Variants in PKHD1 observed in about 807,000 individuals in gnomAD.
PKHD1 encodes PKHD1 ciliary IPT domain containing fibrocystin/polyductin.
In PKHD1, 291 loss-of-function variants were observed where a neutral mutation model predicts 412.0. The ratio of observed to expected loss-of-function variants is 0.71; its 90% confidence interval spans 0.64 to 0.78. PKHD1 has a LOEUF of 0.78. PKHD1 is among the 30% of genes least tolerant of loss of function. The pLI, the probability that PKHD1 is intolerant of heterozygous loss-of-function variation, is 0.00. For synonymous variants in PKHD1, 1,777 were observed against 1,821.5 expected, an observed-to-expected ratio of 0.98 and a Z score of 0.62; for missense variants, 4,825 against 4,950.7, an observed-to-expected ratio of 0.97 and a Z score of 0.76.
intron 36 of PKHD1, among the ~76,000 whole-genome samples, chr6:51,944,099 TC>T: frequency 6.6e-6 from 1 of 152,306 alleles, no homozygotes; most frequent in Admixed American, 6.5e-5. Context: ...AATGGCCTGT[TC>T]CTGCCTTAAC....
At chr6:52,039,412 T>G (rs1246969278) in intron 27 of PKHD1, among the ~76,000 whole-genome samples, 4 of 152,222 alleles carry the variant, frequency 2.6e-5, no homozygotes, top group Admixed American at 1.3e-4. Flanking sequence ...TGTTTAAAAG[T>G]GCATAGCGTA....
intron 65 of PKHD1, among the ~76,000 whole-genome samples, chr6:51,627,479 T>C (rs767340934): frequency 1.3e-5 from 2 of 151,932 alleles, no homozygotes; most frequent in East Asian, 3.9e-4. Flanking sequence ...ATATTCTTGA[T>C]ATATTATGTT....
chr6:51,655,671 G>A (rs752526880), intron 61 of PKHD1, among the ~76,000 whole-genome samples: 3 of 152,126 alleles, frequency 2.0e-5, no homozygotes, highest in Non-Finnish European at 4.4e-5. Flanking sequence ...CAGGGAGTGG[G>A]CCAGGAGTCC....
At chr6:51,778,626 T>A (rs9370053) in intron 53 of PKHD1, among the ~76,000 whole-genome samples, 86,892 of 151,898 alleles carry the variant, frequency 0.57, 25,933 homozygotes, top group East Asian at 0.83. Context: ...GGAGAGATGG[T>A]AGAAAATGAG....
rs1183484463 is a variant in PKHD1 at position 51,791,241 on chromosome 6, T to C, written c.8435A>G (p.Lys2812Arg). The C allele has an allele frequency of 1.2e-6, 2 of 1,613,946 alleles. No homozygotes were observed. The highest frequency in any genetic ancestry group is 1.7e-6 in the Non-Finnish European group (2 of 1,179,874). ...ACMVIAGGEL[K>R]VGTLENPLEK... ...ATCCTTGTGCCTTTACTCACCAACT[T>C]TCAGCTCCCCGCCTGCAATGACCAT... is the stretch of plus-strand genomic sequence containing the variant. The change falls in exon 53 of 67, where the codon AAA (lysine) becomes AGA (arginine). Residue 2812 changes from lysine (K) to arginine (R), a missense_variant. By Grantham distance (26) the Lys-to-Arg change is conservative. Coordinates refer to ENST00000371117, the MANE Select transcript of PKHD1 (RefSeq NM_138694.4).
At position 51,643,402 on chromosome 6, in the gene PKHD1, A is replaced by T. The variant is rs1042183222; in HGVS notation, c.11399-4446T>A. Reference sequence around the variant, plus strand: ...TGCCCACATTAAAAAAATAAAAAAAAAAATGACCAGGAGCAACAATATGAG... The same window carrying T: ...TGCCCACATTAAAAAAATAAAAAAATAAATGACCAGGAGCAACAATATGAG... On this transcript the variant is annotated intron_variant, in intron 63 of 66. Coordinates refer to ENST00000371117, the MANE Select transcript of PKHD1 (RefSeq NM_138694.4). 7.4e-4 allele frequency among the ~76,000 whole-genome samples: 112 copies of T among 152,272 alleles called. 1 individual carries two copies. The highest frequency in any genetic ancestry group is 2.7e-3 in the African/African-American group (111 of 41,552).
chr6:51,982,215 G>C (rs1278614440), intron 35 of PKHD1, among the ~76,000 whole-genome samples: 1 of 27,680 alleles, frequency 3.6e-5, no homozygotes, highest in African/African-American at 9.3e-5. Flanking sequence ...CCGGCCAGCC[G>C]CCCCATCCGG....
At chr6:51,645,354 T>C (rs1243914028) in intron 63 of PKHD1, among the ~76,000 whole-genome samples, 3 of 152,182 alleles carry the variant, frequency 2.0e-5, no homozygotes, top group Admixed American at 6.6e-5. Flanking sequence ...CTGATATATA[T>C]CTCTTTGTAT....
chr6:52,046,267 C>T (rs866142988), intron 23 of PKHD1, 79 bp from the exon 24 acceptor site: 92 of 1,080,436 alleles, frequency 8.5e-5, no homozygotes, highest in African/African-American at 7.1e-4. Flanking sequence ...AAGGATAACA[C>T]GATACATACT....
intron 37 of PKHD1, 104 bp downstream of exon 37, chr6:51,934,006 T>G: frequency 1.2e-6 from 1 of 826,290 alleles, no homozygotes; most frequent in East Asian, 2.5e-5. Flanking sequence ...CTAACTGACC[T>G]GGTTGGCTCA....
At position 51,748,379 on chromosome 6, in the gene PKHD1, C is replaced by T. The variant is rs765525; in HGVS notation, c.9237G>A (p.Ala3079=). 0.38 allele frequency: 615,917 copies of T among 1,613,552 alleles called. 124,516 individuals are homozygous for T. The highest frequency in any genetic ancestry group is 0.66 in the East Asian group (29,720 of 44,848). ...CCTTTACCTGGTTCACTTTGATTCC[C>T]GCCACCCAAATGGTGGACCACGCTG... ...TQPAWSTIWV[A]GIKVNQVKDI... Residue 3079 remains alanine (A), a synonymous_variant, in exon 58 of 67, where the codon GCG becomes GCA. Coordinates refer to ENST00000371117, the MANE Select transcript of PKHD1 (RefSeq NM_138694.4).
rs190430965 is a variant in PKHD1, at chr6:51,715,922, C to T, written c.10156+28463G>A. ...CAGGGAAGGAAATTCAAATGGAGTC[C>T]GGAAGCCCAGAGTCCAGAAGTCCAA... is the stretch of plus-strand genomic sequence containing the variant. On this transcript the variant is annotated intron_variant, in intron 60 of 66. Transcript: ENST00000371117. Among the ~76,000 whole-genome samples, 48 of 152,236 alleles carry T rather than the reference C, an allele frequency of 3.2e-4. 1 individual carries two copies. The East Asian group carries it at 8.5e-3, about 27-fold the overall frequency.
intron 61 of PKHD1, among the ~76,000 whole-genome samples, chr6:51,651,120 C>T (rs1249237112): frequency 6.6e-6 from 1 of 152,068 alleles, no homozygotes; most frequent in Non-Finnish European, 1.5e-5. Flanking sequence ...AAACCAACTG[C>T]CTGAACACCC....
chr6:51,904,440 C>A (rs543721760), intron 41 of PKHD1, among the ~76,000 whole-genome samples: 7 of 152,068 alleles, frequency 4.6e-5, no homozygotes, highest in African/African-American at 1.7e-4. Flanking sequence ...CATCTAGGAC[C>A]TTCTCACCCA....
intron 34 of PKHD1, 50 bp downstream of exon 34, chr6:52,017,360 A>G (rs1293092692): frequency 7.6e-7 from 1 of 1,314,632 alleles, no homozygotes. Context: ...CCATCGGTCC[A>G]TTGGCCAAGC....
chr6:51,748,548 C>T lies in PKHD1; in HGVS notation c.9068G>A (p.Ser3023Asn). ...AGCTGCATGAATGCCCCCGCCACAG[C>T]TCTGGTGCAGAGTAGATGATATGAT... ...SWIISSTLHQ[S>N]CGGGIHAAAS... Residue 3023 changes from serine (S) to asparagine (N), a missense_variant, in exon 58 of 67, where the codon AGC becomes AAC. Ser to Asn is a conservative substitution (Grantham distance 46). Transcript: ENST00000371117. 1 of 1,613,734 alleles carries T rather than the reference C, an allele frequency of 6.2e-7. No individual in the cohort carries two copies. Among genetic ancestry groups the T allele is most frequent in the Non-Finnish European group, 8.5e-7 (1 of 1,179,786 alleles).
At chr6:51,626,275 G>A (rs1767227573) in intron 66 of PKHD1, among the ~76,000 whole-genome samples, 1 of 152,086 alleles carries the variant, frequency 6.6e-6, no homozygotes, top group South Asian at 2.1e-4. Flanking sequence ...ACTCTTTGGA[G>A]TATATGTTTT....
chr6:52,024,922 C>T lies in PKHD1; in HGVS notation c.4888G>A (p.Gly1630Arg), dbSNP rs747057055. The stretch of plus-strand genomic sequence containing the variant: ...ATTTCCAGGGCAACAGAGCCATTCC[C>T]TGTGGGAACAATGCACCGGATGAGC... ...AELIRCIVPT[G>R]NGSVALEIEV... is the part of the protein sequence containing the mutation. The change falls in exon 32 of 67, where the codon GGG (glycine) becomes AGG (arginine). Residue 1630 changes from glycine to arginine, a missense_variant. Coordinates refer to ENST00000371117, the MANE Select transcript of PKHD1 (RefSeq NM_138694.4). 3.1e-6 allele frequency: 5 copies of T among 1,614,162 alleles called. No homozygotes were observed. The Admixed American group carries it at 6.7e-5, about 22-fold the overall frequency.
At chr6:51,869,457 A>T (rs1022895220) in intron 47 of PKHD1, among the ~76,000 whole-genome samples, 1 of 152,098 alleles carries the variant, frequency 6.6e-6, no homozygotes, top group Non-Finnish European at 1.5e-5. Flanking sequence ...TAGTGCCTAG[A>T]TCAAGAGTTC....
Sources: gnomAD v4.1 joint callset for allele counts (sites outside exome capture counted in the v4.1 genomes callset) on GRCh38, gnomAD v4.1.1 for gene constraint, MANE v1.5 for transcripts, NCBI Gene and HGNC (gene_info 2026-07-23, HGNC 2026-07-21) for gene names.